The following UNC79 variants were observed in gnomAD, a reference collection of about 807,000 sequenced individuals.
UNC79 encodes unc-79 subunit of NALCN channel complex, also known as protein unc-79 homolog.
Under a neutral mutation model 283.1 loss-of-function variants are expected in UNC79, and 37 were observed. The ratio of observed to expected loss-of-function variants is 0.13; its 90% CI spans 0.10 to 0.17. UNC79 has a LOEUF of 0.17. UNC79 is among the 10% of genes least tolerant of loss of function. The pLI is 1.00. For synonymous variants in UNC79, 1,107 were observed against 1,200.2 expected, an observed-to-expected ratio of 0.92 and a Z score of 1.61; for missense variants, 2,272 against 3,211.1, an observed-to-expected ratio of 0.71 and a Z score of 7.07.
chr14:93,624,116 C>T (rs994801448), intron 30 of UNC79, among the ~76,000 whole-genome samples: 54 of 152,126 alleles, frequency 3.5e-4, no homozygotes, highest in African/African-American at 1.2e-3. Context: ...ATTCCAGTCA[C>T]GTTTTCCCGC....
chr14:93,649,770 G>A (rs76809081), intron 35 of UNC79, among the ~76,000 whole-genome samples: 5,263 of 152,116 alleles, frequency 0.035, 181 homozygotes, highest in Admixed American at 0.11. Flanking sequence ...TCAAGTATAC[G>A]ATACATTGTT....
intron 10 of UNC79, 132 bp downstream of exon 10, chr14:93,529,458 T>C (rs2060702895): frequency 4.2e-6 from 4 of 955,190 alleles, no homozygotes; most frequent in Non-Finnish European, 4.6e-6. Flanking sequence ...TATTCATTGA[T>C]ATGAAGCATA....
intron 1 of UNC79, among the ~76,000 whole-genome samples, chr14:93,455,796 G>A (rs755404823): frequency 5.1e-4 from 78 of 152,126 alleles, no homozygotes; most frequent in Non-Finnish European, 9.4e-4. Flanking sequence ...ACTCAGAGAA[G>A]TTCATGACTT....
At chr14:93,532,179 C>G (rs1487062413) in intron 10 of UNC79, among the ~76,000 whole-genome samples, 1 of 151,682 alleles carries the variant, frequency 6.6e-6, no homozygotes, top group Non-Finnish European at 1.5e-5. Flanking sequence ...TAAATGGGCT[C>G]TAGACCTGGC....
At chr14:93,415,148 G>A (rs2055424751) in intron 1 of UNC79, among the ~76,000 whole-genome samples, 1 of 152,164 alleles carries the variant, frequency 6.6e-6, no homozygotes, top group South Asian at 2.1e-4. Context: ...TATGATATTG[G>A]CTGTGGGTTT....
intron 40 of UNC79, among the ~76,000 whole-genome samples, chr14:93,670,094 G>A (rs531061957): frequency 2.4e-4 from 36 of 152,004 alleles, no homozygotes; most frequent in Admixed American, 1.1e-3. Flanking sequence ...ATGAGTGTTC[G>A]GTCCATCTTC....
chr14:93,394,736 G>A (rs1253195363), intron 1 of UNC79, among the ~76,000 whole-genome samples: 5 of 151,524 alleles, frequency 3.3e-5, no homozygotes, highest in Non-Finnish European at 5.9e-5. Context: ...TTTAGAGATA[G>A]GGTCTCATTC....
intron 40 of UNC79, among the ~76,000 whole-genome samples, chr14:93,664,041 G>A (rs1291365861): frequency 6.6e-6 from 1 of 152,024 alleles, no homozygotes; most frequent in Non-Finnish European, 1.5e-5. Context: ...AACTTTAGTG[G>A]CCTTTTACTT....
intron 1 of UNC79, among the ~76,000 whole-genome samples, chr14:93,354,064 T>C (rs757654018): frequency 9.9e-5 from 15 of 152,002 alleles, no homozygotes; most frequent in Non-Finnish European, 1.9e-4. Flanking sequence ...GAACGATAAA[T>C]AGATGAAGAA....
chr14:93,453,916 C>A (rs2056721722), intron 1 of UNC79, among the ~76,000 whole-genome samples: 2 of 152,152 alleles, frequency 1.3e-5, no homozygotes, highest in African/African-American at 4.8e-5. Context: ...GCAATAGAAA[C>A]TGGAACAGAA....
intron 1 of UNC79, among the ~76,000 whole-genome samples, chr14:93,415,519 A>G (rs2055433739): frequency 6.6e-6 from 1 of 152,004 alleles, no homozygotes; most frequent in African/African-American, 2.4e-5. Context: ...TGGTATCAGG[A>G]TGATGCTGGC....
At chr14:93,469,244 AG>A (rs2057375097) in intron 2 of UNC79, among the ~76,000 whole-genome samples, 1 of 152,226 alleles carries the variant, frequency 6.6e-6, no homozygotes, top group African/African-American at 2.4e-5. Context: ...GTGGACCATT[AG>A]AATATGATCA....
chr14:93,592,204 T>C (rs1018848491), intron 22 of UNC79, among the ~76,000 whole-genome samples: 48 of 145,510 alleles, frequency 3.3e-4, no homozygotes, highest in Non-Finnish European at 5.5e-4. Flanking sequence ...AGACTGAGTC[T>C]CGCTCTGTCG....
chr14:93,382,773 A>G (rs2054690423), intron 1 of UNC79, among the ~76,000 whole-genome samples: 1 of 152,054 alleles, frequency 6.6e-6, no homozygotes, highest in African/African-American at 2.4e-5. Context: ...GATTCCATCC[A>G]TTTTATCTTC....
At chr14:93,491,396 A>G (rs1219064891) in intron 5 of UNC79, among the ~76,000 whole-genome samples, 1 of 152,122 alleles carries the variant, frequency 6.6e-6, no homozygotes, top group Non-Finnish European at 1.5e-5. Flanking sequence ...TGTCCTTAAT[A>G]AAACCATTTA....
intron 1 of UNC79, among the ~76,000 whole-genome samples, chr14:93,337,343 T>C (rs1395165756): frequency 6.6e-6 from 1 of 152,232 alleles, no homozygotes; most frequent in East Asian, 1.9e-4. Flanking sequence ...CAGTTGTCCA[T>C]GTAACTTATT....
rs143856446 is a variant in UNC79 at position 93,538,363 on chromosome 14, A to G, written c.1352+145A>G. 1.4e-4 allele frequency: 122 copies of G among 843,312 alleles called. No homozygotes were observed. The East Asian group carries it at 2.7e-3, about 19-fold the overall frequency. 52.2% of individuals were successfully genotyped at this position (843,312 alleles called of 1,614,324 possible). ...CTTCCCACAGTGTTGTAATGATGCT[A>G]TTTTAATTCATGAATTCAATGAATA... is the stretch of plus-strand genomic sequence containing the variant. On this transcript the variant is annotated intron_variant, in intron 12 of 48. Transcript: ENST00000555664.
At chr14:93,405,668 A>T (rs1322922096) in intron 1 of UNC79, among the ~76,000 whole-genome samples, 3 of 152,220 alleles carry the variant, frequency 2.0e-5, no homozygotes, top group Non-Finnish European at 4.4e-5. Flanking sequence ...CAAGAAAAAG[A>T]TGGTAAGAAA....
intron 29 of UNC79, among the ~76,000 whole-genome samples, chr14:93,619,811 G>A (rs1290773856): frequency 2.0e-5 from 3 of 152,144 alleles, no homozygotes; most frequent in African/African-American, 7.2e-5. Context: ...TTGTCATATA[G>A]GTAGATGTAA....
Sources: allele counts gnomAD v4.1 joint callset (sites outside exome capture counted in the v4.1 genomes callset), GRCh38; gene constraint gnomAD v4.1.1; transcripts MANE v1.5; gene names NCBI Gene and HGNC (gene_info 2026-07-23, HGNC 2026-07-21).